Variants in VWC2L observed in about 807,000 individuals in gnomAD.
The protein encoded by VWC2L is von Willebrand factor C domain containing 2 like.
A neutral mutation model predicts 21.6 loss-of-function variants in VWC2L; 10 were observed. That is an observed-to-expected ratio of 0.46 (90% CI 0.29 to 0.78). The LOEUF is 0.78. Among genes scored for constraint, VWC2L ranks in the 30% least tolerant of loss-of-function variants. The pLI is 0.10. For missense variants in VWC2L, 209 were observed against 277.1 expected (o/e 0.75, Z 1.74); for synonymous variants, 96 against 94.3 (o/e 1.02, Z -0.10).
At chr2:214,421,159 C>T (rs35721752) in intron 2 of VWC2L, among the ~76,000 whole-genome samples, 2 of 152,150 alleles carry the variant, frequency 1.3e-5, no homozygotes, top group African/African-American at 4.8e-5. Flanking sequence ...CAAAAGTACA[C>T]TAAAAGTTTT....
chr2:214,514,447 G>A (rs1262929907), intron 3 of VWC2L, among the ~76,000 whole-genome samples: 2 of 151,082 alleles, frequency 1.3e-5, no homozygotes, highest in Non-Finnish European at 2.9e-5. Flanking sequence ...TTTAGTCTCT[G>A]TCTAGATATG....
At chr2:214,431,674 T>C (rs1702603018) in intron 2 of VWC2L, among the ~76,000 whole-genome samples, 1 of 152,228 alleles carries the variant, frequency 6.6e-6, no homozygotes. Flanking sequence ...TTTTGGGAAA[T>C]GGACATGTTT....
intron 3 of VWC2L, among the ~76,000 whole-genome samples, chr2:214,481,566 T>A (rs1037448886): frequency 6.6e-6 from 1 of 152,194 alleles, no homozygotes. Flanking sequence ...GAACTAATCA[T>A]TGTTGTTTAA....
In VWC2L at chr2:214,496,912, G is replaced by A. The variant is rs553489412; in HGVS notation, c.520+60154G>A. Among the ~76,000 whole-genome samples, 6 of 152,232 alleles carry A rather than the reference G, an allele frequency of 3.9e-5. No homozygotes were observed. The East Asian group carries it at 1.2e-3, about 29-fold the overall frequency. ...GTGTATTTGTCATGGTCCTTCATAT[G>A]TGCATGTGTGTATTTGTATGTTTTG... On this transcript the variant is annotated intron_variant, in intron 3 of 3. Transcript: ENST00000312504.
intron 3 of VWC2L, among the ~76,000 whole-genome samples, chr2:214,489,553 T>C (rs1345977713): frequency 6.6e-6 from 1 of 152,120 alleles, no homozygotes; most frequent in Non-Finnish European, 1.5e-5. Context: ...ATCATGAAAA[T>C]TACAGAAAGC....
At position 214,575,937 on chromosome 2, in the gene VWC2L, C is replaced by G. The variant is rs1351223232; in HGVS notation, c.*117C>G. The G allele has an allele frequency of 1.6e-6, 2 of 1,231,964 alleles. No homozygotes were observed. The highest frequency in any genetic ancestry group is 2.2e-6 in the Non-Finnish European group (2 of 896,138). 76.3% of individuals were successfully genotyped at this position (1,231,964 alleles called of 1,614,324 possible). On this transcript the variant is annotated 3_prime_UTR_variant, in exon 4 of 4. Coordinates refer to ENST00000312504, the MANE Select transcript of VWC2L (RefSeq NM_001080500.4). ...CTGCCAGCTACAACAGGGTCACCAG[C>G]AAAACTTTCTAGGGTTGACAAAAGT...
intron 3 of VWC2L, among the ~76,000 whole-genome samples, chr2:214,488,597 C>G (rs1331656863): frequency 1.3e-5 from 2 of 152,086 alleles, no homozygotes; most frequent in Admixed American, 1.3e-4. Flanking sequence ...GATCCAGTCT[C>G]AAAAAACAAA....
chr2:214,418,248 G>A (rs1422935313), intron 2 of VWC2L, among the ~76,000 whole-genome samples: 1 of 152,164 alleles, frequency 6.6e-6, no homozygotes, highest in Non-Finnish European at 1.5e-5. Context: ...GTCTGATACT[G>A]TGAAGAGCTT....
chr2:214,471,829 G>T (rs1246262748), intron 3 of VWC2L, among the ~76,000 whole-genome samples: 1 of 152,052 alleles, frequency 6.6e-6, no homozygotes, highest in African/African-American at 2.4e-5. Flanking sequence ...CTTTTTTCTG[G>T]TTGCATTGGT....
At chr2:214,551,988 T>C (rs1689802170) in intron 3 of VWC2L, among the ~76,000 whole-genome samples, 1 of 152,242 alleles carries the variant, frequency 6.6e-6, no homozygotes, top group African/African-American at 2.4e-5. Flanking sequence ...CCCATCCTTA[T>C]CTTTGTATTG....
chr2:214,425,507 G>A (rs958911446), intron 2 of VWC2L, among the ~76,000 whole-genome samples: 6 of 152,052 alleles, frequency 3.9e-5, no homozygotes, highest in African/African-American at 1.4e-4. Context: ...AAATAAAACA[G>A]ATAAAGATTA....
chr2:214,514,099 G>A (rs1369707774), intron 3 of VWC2L, among the ~76,000 whole-genome samples: 1 of 151,872 alleles, frequency 6.6e-6, no homozygotes, highest in Non-Finnish European at 1.5e-5. Context: ...CATCTTTACA[G>A]CACTAAATGT....
chr2:214,433,353 T>C (rs1476463948), intron 2 of VWC2L, among the ~76,000 whole-genome samples: 1 of 151,946 alleles, frequency 6.6e-6, no homozygotes, highest in Admixed American at 6.6e-5. Flanking sequence ...TTTAGGATGG[T>C]ATAATTCAAT....
chr2:214,463,599 T>G (rs1703173456), intron 3 of VWC2L, among the ~76,000 whole-genome samples: 1 of 152,180 alleles, frequency 6.6e-6, no homozygotes, highest in African/African-American at 2.4e-5. Flanking sequence ...ATTTATCAGT[T>G]TAATTTTTTC....
chr2:214,544,526 G>A lies in VWC2L; in HGVS notation c.521-31146G>A, dbSNP rs539045998. Reference sequence around the variant, plus strand: ...CCTTCCCAGAACATTGTAGCCTAAGGACTGGTACGCTTGTTACTCCCTGAT... The same window carrying A: ...CCTTCCCAGAACATTGTAGCCTAAGAACTGGTACGCTTGTTACTCCCTGAT... On this transcript the variant is annotated intron_variant, in intron 3 of 3. Transcript: ENST00000312504. 2.6e-5 allele frequency among the ~76,000 whole-genome samples: 4 copies of A among 152,192 alleles called. No homozygotes were observed. The South Asian group carries it at 8.3e-4, about 32-fold the overall frequency.
At chr2:214,419,482 T>C (rs1189220263) in intron 2 of VWC2L, among the ~76,000 whole-genome samples, 1 of 152,192 alleles carries the variant, frequency 6.6e-6, no homozygotes, top group Non-Finnish European at 1.5e-5. Context: ...CTTTAGAACT[T>C]GTACTGATTT....
At chr2:214,528,078 T>A (rs1177207467) in intron 3 of VWC2L, among the ~76,000 whole-genome samples, 2 of 152,366 alleles carry the variant, frequency 1.3e-5, no homozygotes, top group South Asian at 2.1e-4. Flanking sequence ...AAGTGTTTTA[T>A]AAACTTTGTA....
At position 214,483,886 on chromosome 2, in the gene VWC2L, G is replaced by C. The variant is rs188243054; in HGVS notation, c.520+47128G>C. Reference sequence around the variant, plus strand: ...ATATCAAGGTACCATGAACTGAGTGGCTTGAAACCACAGAACATTTATTCT... The same window carrying C: ...ATATCAAGGTACCATGAACTGAGTGCCTTGAAACCACAGAACATTTATTCT... On this transcript the variant is annotated intron_variant, in intron 3 of 3. Transcript: ENST00000312504. Among the ~76,000 whole-genome samples the C allele has an allele frequency of 5.3e-5, 8 of 152,244 alleles. No homozygotes were observed. The East Asian group carries it at 1.5e-3, about 29-fold the overall frequency.
chr2:214,522,648 C>A (rs76188901), intron 3 of VWC2L, among the ~76,000 whole-genome samples: 7,043 of 152,004 alleles, frequency 0.046, 197 homozygotes, highest in Middle Eastern at 0.083. Flanking sequence ...AAAATATTAA[C>A]AAATCTGAAA....
Sources: allele counts gnomAD v4.1 joint callset (sites outside exome capture counted in the v4.1 genomes callset), GRCh38; gene constraint gnomAD v4.1.1; transcripts MANE v1.5; gene names NCBI Gene and HGNC (gene_info 2026-07-23, HGNC 2026-07-21).